The following INTS9 variants were observed in gnomAD, a reference collection of about 807,000 sequenced individuals.
The protein encoded by INTS9 is protein related to CPSF subunits of 74 kDa.
INTS9 carries 55 observed loss-of-function variants against 79.7 expected under a neutral mutation model. The observed-to-expected ratio is 0.69, with a 90% CI of 0.56 to 0.86. The LOEUF is 0.86. Ranked by LOEUF, INTS9 falls within the 40% of genes least tolerant of loss-of-function variation. INTS9 has a pLI of 0.00. For missense variants in INTS9, 721 were observed against 831.5 expected (o/e 0.87, Z 1.64); for synonymous variants, 319 against 325.2 (o/e 0.98, Z 0.20).
intron 3 of INTS9, among the ~76,000 whole-genome samples, chr8:28,849,376 C>T (rs1214192816): frequency 1.3e-5 from 2 of 152,042 alleles, no homozygotes; most frequent in Non-Finnish European, 2.9e-5. Context: ...GAGAAGATAA[C>T]CTAATGTCAA....
At chr8:28,801,823 G>A (rs1454219273) in intron 8 of INTS9, among the ~76,000 whole-genome samples, 1 of 152,118 alleles carries the variant, frequency 6.6e-6, no homozygotes, top group Non-Finnish European at 1.5e-5. Flanking sequence ...ATGTTGCCCA[G>A]CCTGGTCTCA....
At chr8:28,773,343 G>A (rs1003758365) in intron 14 of INTS9, among the ~76,000 whole-genome samples, 18 of 150,864 alleles carry the variant, frequency 1.2e-4, no homozygotes, top group Middle Eastern at 3.4e-3. Flanking sequence ...GGGTGCCTGT[G>A]GTCCCAGCTA....
At chr8:28,860,678 C>T (rs1435970239) in intron 1 of INTS9, among the ~76,000 whole-genome samples, 1 of 152,196 alleles carries the variant, frequency 6.6e-6, no homozygotes, top group Non-Finnish European at 1.5e-5. Context: ...GGGGTTTCAC[C>T]ATGTTGGCCA....
chr8:28,883,019 T>C (rs1184877370), intron 1 of INTS9, among the ~76,000 whole-genome samples: 2 of 152,218 alleles, frequency 1.3e-5, no homozygotes, highest in East Asian at 3.8e-4. Flanking sequence ...CTTTTCCTAC[T>C]CTTGCCTTTT....
chr8:28,816,079 C>T (rs1805453757), intron 6 of INTS9, among the ~76,000 whole-genome samples: 2 of 151,356 alleles, frequency 1.3e-5, no homozygotes, highest in South Asian at 4.2e-4. Flanking sequence ...ATTTAAGATA[C>T]TCAAAGAAAG....
At chr8:28,882,818 T>C (rs1410127892) in intron 1 of INTS9, among the ~76,000 whole-genome samples, 1 of 152,232 alleles carries the variant, frequency 6.6e-6, no homozygotes, top group Non-Finnish European at 1.5e-5. Context: ...TTTCAATAAA[T>C]TTAAACATTT....
At chr8:28,862,790 G>A (rs975177668) in intron 1 of INTS9, among the ~76,000 whole-genome samples, 2 of 152,176 alleles carry the variant, frequency 1.3e-5, no homozygotes, top group Non-Finnish European at 2.9e-5. Context: ...GTAATTAAAT[G>A]ACCCTAACCA....
At chr8:28,813,720 A>G (rs1805297161) in intron 6 of INTS9, 108 bp from the exon 7 acceptor site, 1 of 1,212,660 alleles carries the variant, frequency 8.2e-7, no homozygotes. Context: ...ATTTACTGGC[A>G]TATAATTGTT....
chr8:28,791,985 T>C (rs1279519814), intron 10 of INTS9, among the ~76,000 whole-genome samples: 5 of 152,138 alleles, frequency 3.3e-5, no homozygotes, highest in Non-Finnish European at 5.9e-5. Context: ...TCCACAAAAA[T>C]AAGTAAGCAA....
chr8:28,884,610 CTT>C (rs1810088513), intron 1 of INTS9, among the ~76,000 whole-genome samples: 1 of 152,136 alleles, frequency 6.6e-6, no homozygotes, highest in African/African-American at 2.4e-5. Context: ...AGGTATGTAA[CTT>C]AGCCTTATGT....
intron 11 of INTS9, among the ~76,000 whole-genome samples, chr8:28,786,189 C>G (rs895997026): frequency 1.3e-5 from 2 of 152,240 alleles, no homozygotes; most frequent in African/African-American, 4.8e-5. Flanking sequence ...TATTTGTTCA[C>G]AGTGATGTAA....
chr8:28,881,081 G>A (rs956178827), intron 1 of INTS9, among the ~76,000 whole-genome samples: 1 of 151,010 alleles, frequency 6.6e-6, no homozygotes, highest in African/African-American at 2.4e-5. Context: ...TCTGGGAAGT[G>A]AGGAGCGTCT....
chr8:28,777,547 T>A (rs1802960941), intron 13 of INTS9, among the ~76,000 whole-genome samples: 1 of 152,002 alleles, frequency 6.6e-6, no homozygotes, highest in Admixed American at 6.5e-5. Flanking sequence ...TGACTTTTTT[T>A]TTTTTTGGCA....
chr8:28,804,195 G>T (rs549080017), intron 8 of INTS9, among the ~76,000 whole-genome samples: 15 of 152,152 alleles, frequency 9.9e-5, no homozygotes, highest in African/African-American at 3.4e-4. Flanking sequence ...CAAGGTGTTG[G>T]GATTACAGGC....
chr8:28,871,703 A>C (rs1330227709), intron 1 of INTS9, among the ~76,000 whole-genome samples: 1 of 152,092 alleles, frequency 6.6e-6, no homozygotes, highest in Non-Finnish European at 1.5e-5. Context: ...ATCATGCCTG[A>C]CCTAGGAAAG....
At position 28,767,812 on chromosome 8, in the gene INTS9, G is replaced by A; in HGVS notation, c.*334C>T. Reference sequence around the variant, plus strand: ...CCAAAGGCTGGCTCCCCTGGCCGAGGCCTGGGACTGATGCAAGACAGCCAG... The same window carrying A: ...CCAAAGGCTGGCTCCCCTGGCCGAGACCTGGGACTGATGCAAGACAGCCAG... On this transcript the variant is annotated 3_prime_UTR_variant, in exon 17 of 17. Coordinates refer to ENST00000521022, the MANE Select transcript of INTS9 (RefSeq NM_018250.4). The A allele has an allele frequency of 5.9e-6, 2 of 338,076 alleles. No homozygotes were observed. Among genetic ancestry groups the A allele is most frequent in the Non-Finnish European group, 1.1e-5 (2 of 178,130 alleles). The allele number at this position is 338,076 out of a possible 1,614,324, so 20.9% of individuals were successfully genotyped here.
In INTS9 at chr8:28,846,000, T is replaced by G. The variant is rs553983324; in HGVS notation, c.261+747A>C. ...ACTGCACTCCAAATTCTTTTTCTCT[T>G]TGGTCCTGAATTTGTGGAACTATTT... is the stretch of plus-strand genomic sequence containing the variant. On this transcript the variant is annotated intron_variant, in intron 4 of 16. Coordinates refer to ENST00000521022, the MANE Select transcript of INTS9 (RefSeq NM_018250.4). Among the ~76,000 whole-genome samples the G allele has an allele frequency of 1.2e-3, 184 of 152,204 alleles. 1 individual carries two copies. Among genetic ancestry groups the G allele is most frequent in the Non-Finnish European group, 1.5e-3 (104 of 68,036 alleles).
intron 1 of INTS9, among the ~76,000 whole-genome samples, chr8:28,882,819 T>G (rs1039739899): frequency 5.9e-5 from 9 of 152,326 alleles, no homozygotes; most frequent in African/African-American, 1.4e-4. Context: ...TTCAATAAAT[T>G]TAAACATTTT....
intron 8 of INTS9, among the ~76,000 whole-genome samples, chr8:28,804,204 G>A (rs1281655999): frequency 6.6e-6 from 1 of 152,208 alleles, no homozygotes; most frequent in African/African-American, 2.4e-5. Flanking sequence ...GGGATTACAG[G>A]CATGAGCCAA....
Sources: gnomAD v4.1 joint callset for allele counts (sites outside exome capture counted in the v4.1 genomes callset) on GRCh38, gnomAD v4.1.1 for gene constraint, MANE v1.5 for transcripts, NCBI Gene and HGNC (gene_info 2026-07-23, HGNC 2026-07-21) for gene names.